Variants in GAN observed in about 807,000 individuals in gnomAD.
The protein encoded by GAN is gigaxonin.
GAN carries 48 observed loss-of-function variants against 71.3 expected under a neutral mutation model. That is an observed-to-expected ratio of 0.67 (90% CI 0.53 to 0.86). The LOEUF is 0.86. GAN is among the 40% of genes least tolerant of loss of function. GAN has a pLI of 0.00. For missense variants in GAN, 928 were observed against 770.1 expected, an observed-to-expected ratio of 1.21 and a Z score of -2.43; for synonymous variants, 386 against 276.8, an observed-to-expected ratio of 1.39 and a Z score of -3.92.
intron 1 of GAN, among the ~76,000 whole-genome samples, chr16:81,333,165 C>A (rs1567482339): frequency 6.6e-6 from 1 of 151,472 alleles, no homozygotes; most frequent in Non-Finnish European, 1.5e-5. Context: ...TCGCTTGAAC[C>A]CAGGAGATGG....
chr16:81,343,970 A>G (rs928965814), intron 1 of GAN, among the ~76,000 whole-genome samples: 7 of 152,232 alleles, frequency 4.6e-5, no homozygotes, highest in African/African-American at 1.4e-4. Context: ...CTATACACCA[A>G]TAACAGACAA....
chr16:81,354,411 C>G lies in GAN; in HGVS notation c.289C>G (p.Leu97Val). The part of the protein sequence containing the change: ...LDYIFSGQIR[L>V]NEDTIQDVVQ... ...AATTATGCTACTTTTTTAGATCAGG[C>G]TAAATGAAGATACAATCCAAGATGT... The change falls in exon 3 of 11, where the codon CTA (leucine) becomes GTA (valine). Residue 97 changes from leucine (L) to valine (V), a missense_variant. Transcript: ENST00000648994. 6.9e-6 allele frequency: 11 copies of G among 1,602,684 alleles called. No homozygotes were observed. The highest frequency in any genetic ancestry group is 9.4e-6 in the Non-Finnish European group (11 of 1,169,632).
intron 1 of GAN, among the ~76,000 whole-genome samples, chr16:81,347,237 G>C (rs1293596999): frequency 6.6e-6 from 1 of 152,182 alleles, no homozygotes; most frequent in Non-Finnish European, 1.5e-5. Context: ...AGTACCTTTT[G>C]AGTAAAACCA....
rs1404063813 is a variant in GAN at position 81,379,302 on chromosome 16, G to C, written c.*1706G>C. On this transcript the variant is annotated 3_prime_UTR_variant, in exon 11 of 11. Transcript: ENST00000648994. ...TACAATGCGTCAAAAGTTGCTGAAAGATGCTGTGCCTATGGGGTTCTAGAG... is the reference window on the plus strand; with the variant it reads ...TACAATGCGTCAAAAGTTGCTGAAACATGCTGTGCCTATGGGGTTCTAGAG... 6.6e-6 allele frequency: 1 copy of C among 152,204 alleles called. No individual in the cohort carries two copies. The highest frequency in any genetic ancestry group is 2.4e-5 in the African/African-American group (1 of 41,454). The allele number at this position is 152,204 out of a possible 1,614,324, so 9.4% of individuals were successfully genotyped here.
intron 1 of GAN, among the ~76,000 whole-genome samples, chr16:81,332,441 T>C (rs368289168): frequency 8.5e-5 from 13 of 152,354 alleles, no homozygotes; most frequent in South Asian, 8.3e-4. Context: ...ACCCAGTTTG[T>C]ATGATCAACT....
Position 81,315,184 on chromosome 16 carries a change from G to A in GAN, c.71G>A (p.Arg24His). ...CTGCTGCGAGCGCTCAGCTCTTTCC[G>A]CGAGGAGTCTCGCTTCTGCGACGCG... ...ARLLRALSSFREESRFCDAHL... is the reference protein window; with the variant it reads ...ARLLRALSSFHEESRFCDAHL... Residue 24 changes from arginine to histidine, a missense_variant, in exon 1 of 11, where the codon CGC becomes CAC. Physicochemically the swap from Arg to His is conservative, Grantham distance 29 (BLOSUM62 0). Coordinates refer to ENST00000648994, the MANE Select transcript of GAN (RefSeq NM_022041.4). 6.4e-7 allele frequency: 1 copy of A among 1,573,458 alleles called. No individual in the cohort carries two copies.
chr16:81,370,496 C>G (rs1286879916), intron 9 of GAN, among the ~76,000 whole-genome samples: 1 of 152,246 alleles, frequency 6.6e-6, no homozygotes, highest in African/African-American at 2.4e-5. Flanking sequence ...ATGTAGGAAG[C>G]ACAGCTGCTA....
intron 1 of GAN, among the ~76,000 whole-genome samples, chr16:81,321,965 G>A (rs79536181): frequency 0.01 from 1,562 of 152,254 alleles, 14 homozygotes; most frequent in Middle Eastern, 0.027. Context: ...CTCTGTGGAG[G>A]ATAAAGATTC....
chr16:81,368,728 C>A (rs553980878), intron 9 of GAN, among the ~76,000 whole-genome samples: 1 of 152,346 alleles, frequency 6.6e-6, no homozygotes, highest in Admixed American at 6.5e-5. Flanking sequence ...TGCCCCGCTG[C>A]TACCCTCACA....
At chr16:81,315,386 C>T in intron 1 of GAN, 106 bp downstream of exon 1, 3 of 748,870 alleles carry the variant, frequency 4.0e-6, no homozygotes. Flanking sequence ...GTCCCCGGCG[C>T]CGGGGTCCCC....
chr16:81,351,550 C>A, intron 1 of GAN, 33 bp from the exon 2 acceptor site: 1 of 871,630 alleles, frequency 1.1e-6, no homozygotes, highest in Non-Finnish European at 2.0e-6. Context: ...TCTGTTCTTT[C>A]ATAGAAATTT....
intron 1 of GAN, among the ~76,000 whole-genome samples, chr16:81,330,844 A>G (rs184162901): frequency 1.3e-5 from 2 of 152,336 alleles, no homozygotes; most frequent in East Asian, 1.9e-4. Flanking sequence ...ACATAATAAT[A>G]TCATCTTCTG....
At position 81,377,831 on chromosome 16, in the gene GAN, T is replaced by C. The variant is rs16955203; in HGVS notation, c.*235T>C. On this transcript the variant is annotated 3_prime_UTR_variant, in exon 11 of 11. Coordinates refer to ENST00000648994, the MANE Select transcript of GAN (RefSeq NM_022041.4). ...TCCTCCAGTTAAATGTGGCTGTAGA[T>C]GTTGGAGGCTAGGGAGGCTAGTAAA... 38,306 of 576,372 alleles carry C rather than the reference T, an allele frequency of 0.066. 2,440 individuals are homozygous for C. The highest frequency in any genetic ancestry group is 0.2 in the East Asian group (6,884 of 33,882). 35.7% of individuals were successfully genotyped at this position (576,372 alleles called of 1,614,324 possible). A position where few individuals can be genotyped will look rare whatever the true frequency, so the allele number is the denominator to read the frequency against.
intron 1 of GAN, among the ~76,000 whole-genome samples, chr16:81,348,759 T>C (rs911922172): frequency 6.6e-6 from 1 of 152,212 alleles, no homozygotes; most frequent in African/African-American, 2.4e-5. Context: ...GTTTTGCTGT[T>C]GTGTGATCAA....
chr16:81,376,631 CAT>C (rs1264555247), intron 9 of GAN, among the ~76,000 whole-genome samples: 8 of 147,612 alleles, frequency 5.4e-5, no homozygotes, highest in East Asian at 2.0e-4. Flanking sequence ...TATATACATA[CAT>C]ATATGTGTGT....
At chr16:81,333,944 A>G (rs986739191) in intron 1 of GAN, among the ~76,000 whole-genome samples, 1 of 152,206 alleles carries the variant, frequency 6.6e-6, no homozygotes, top group Non-Finnish European at 1.5e-5. Context: ...ATGTCCCCCA[A>G]ACACATGCAC....
chr16:81,338,841 C>G (rs567135269), intron 1 of GAN, among the ~76,000 whole-genome samples: 1 of 152,296 alleles, frequency 6.6e-6, no homozygotes, highest in South Asian at 2.1e-4. Context: ...AAGGGAGGCC[C>G]TTTGAGAGGC....
chr16:81,352,629 G>C (rs984120645), intron 2 of GAN, among the ~76,000 whole-genome samples: 12 of 152,184 alleles, frequency 7.9e-5, no homozygotes, highest in Admixed American at 6.5e-4. Flanking sequence ...TGAATGTATT[G>C]CTTTCTTTAT....
chr16:81,371,310 G>A (rs971726976), intron 9 of GAN, among the ~76,000 whole-genome samples: 12 of 152,134 alleles, frequency 7.9e-5, no homozygotes, highest in African/African-American at 1.9e-4. Context: ...AAGAGTTGGC[G>A]TCTATTGATT....
Sources: gnomAD v4.1 joint callset for allele counts (sites outside exome capture counted in the v4.1 genomes callset) on GRCh38, gnomAD v4.1.1 for gene constraint, MANE v1.5 for transcripts, NCBI Gene and HGNC (gene_info 2026-07-23, HGNC 2026-07-21) for gene names.